The following FBXO11 variants were observed in gnomAD, a reference collection of about 807,000 sequenced individuals.
The protein encoded by FBXO11 is F-box only protein 11.
Under a neutral mutation model 117.0 loss-of-function variants are expected in FBXO11, and 13 were observed. The observed-to-expected ratio is 0.11, with a 90% CI of 0.07 to 0.18. The LOEUF (loss-of-function observed/expected upper bound fraction) is 0.18. Among genes scored for constraint, FBXO11 ranks in the 10% least tolerant of loss-of-function variants. The pLI is 1.00. For missense variants in FBXO11, 767 were observed against 1,164.4 expected (o/e 0.66, Z 4.97); for synonymous variants, 490 against 380.5 (o/e 1.29, Z -3.35).
At chr2:47,849,770 A>G (rs1234356870) in intron 1 of FBXO11, among the ~76,000 whole-genome samples, 1 of 152,208 alleles carries the variant, frequency 6.6e-6, no homozygotes, top group Non-Finnish European at 1.5e-5. Flanking sequence ...CAGAAGGAAT[A>G]GTGTGTGTGA....
chr2:47,902,752 T>C (rs1451233609), intron 1 of FBXO11, among the ~76,000 whole-genome samples: 1 of 152,142 alleles, frequency 6.6e-6, no homozygotes, highest in Non-Finnish European at 1.5e-5. Context: ...CTGAAATGCA[T>C]CTTTATATAA....
In FBXO11 at chr2:47,834,881, C is replaced by G. The variant is rs370474187; in HGVS notation, c.718-10G>C. 1 of 1,600,592 alleles carries G rather than the reference C, an allele frequency of 6.2e-7. No individual in the cohort carries two copies. The highest frequency in any genetic ancestry group is 1.3e-5 in the African/African-American group (1 of 74,310). On this transcript the variant is annotated splice_polypyrimidine_tract_variant and intron_variant, in intron 5 of 22. Coordinates refer to ENST00000403359, the MANE Select transcript of FBXO11 (RefSeq NM_001190274.2). ...CATGTGCACCTTTATACTAAAATGT[C>G]AAAAACAAAACAAAACCATTGACTA...
intron 1 of FBXO11, among the ~76,000 whole-genome samples, chr2:47,855,866 T>C (rs1251915200): frequency 1.3e-5 from 2 of 149,440 alleles, no homozygotes; most frequent in Non-Finnish European, 3.0e-5. Flanking sequence ...GAATGTTGCC[T>C]GGTGAAGCAA....
intron 1 of FBXO11, among the ~76,000 whole-genome samples, chr2:47,848,601 A>G (rs867575232): frequency 8.4e-4 from 128 of 152,348 alleles, no homozygotes; most frequent in African/African-American, 2.8e-3. Flanking sequence ...TAATATCAAA[A>G]TTTATTTTAT....
At chr2:47,841,070 C>T (rs893469202) in intron 1 of FBXO11, among the ~76,000 whole-genome samples, 4 of 151,858 alleles carry the variant, frequency 2.6e-5, no homozygotes, top group Admixed American at 6.6e-5. Context: ...TGGTAGCGGG[C>T]GCCCGTAGTC....
intron 1 of FBXO11, among the ~76,000 whole-genome samples, chr2:47,885,752 G>C (rs1676786126): frequency 6.6e-6 from 1 of 152,130 alleles, no homozygotes; most frequent in South Asian, 2.1e-4. Context: ...CCAACATAAA[G>C]TGAACCAAGA....
chr2:47,847,561 T>C (rs1171377895), intron 1 of FBXO11, among the ~76,000 whole-genome samples: 1 of 151,148 alleles, frequency 6.6e-6, no homozygotes, highest in Non-Finnish European at 1.5e-5. Flanking sequence ...ATACAAAAAT[T>C]AGCAAGGCAT....
intron 1 of FBXO11, among the ~76,000 whole-genome samples, chr2:47,863,078 A>AC (rs1674912631): frequency 6.7e-6 from 1 of 148,480 alleles, no homozygotes; most frequent in South Asian, 2.1e-4. Context: ...AAAACAAAAA[A>AC]ACAAAAACAA....
intron 1 of FBXO11, among the ~76,000 whole-genome samples, chr2:47,892,561 T>A (rs888918780): frequency 1.3e-5 from 2 of 152,234 alleles, no homozygotes; most frequent in African/African-American, 4.8e-5. Flanking sequence ...TCTGACATGC[T>A]GCAATGCAGA....
chr2:47,897,700 CCAA>C (rs1677781769), intron 1 of FBXO11, among the ~76,000 whole-genome samples: 1 of 40,550 alleles, frequency 2.5e-5, no homozygotes. Flanking sequence ...GTGTCTTAAA[CCAA>C]AAAAAAAAAA....
At chr2:47,871,717 T>C (rs1443827322) in intron 1 of FBXO11, among the ~76,000 whole-genome samples, 1 of 152,238 alleles carries the variant, frequency 6.6e-6, no homozygotes, top group Non-Finnish European at 1.5e-5. Flanking sequence ...CCTGTAGATG[T>C]TAAATCCCTT....
At position 47,807,493 on chromosome 2, in the gene FBXO11, G is replaced by GTTTT; in HGVS notation, c.*621_*624dup. Reference sequence around the variant, plus strand: ...TTGCTGGATATAATTTAAGATTAGTGTTTTCTCTTTCATAGAAAGAACGTA... The same window carrying GTTTT: ...TTGCTGGATATAATTTAAGATTAGTGTTTTTTTTCTCTTTCATAGAAAGAACGTA... On this transcript the variant is annotated 3_prime_UTR_variant, in exon 23 of 23. Coordinates refer to ENST00000403359, the MANE Select transcript of FBXO11 (RefSeq NM_001190274.2). 1 of 207,480 alleles carries GTTTT rather than the reference G, an allele frequency of 4.8e-6. No homozygotes were observed. The highest frequency in any genetic ancestry group is 7.4e-5 in the East Asian group (1 of 13,458). The allele number at this position is 207,480 out of a possible 1,614,324, so 12.9% of individuals were successfully genotyped here.
chr2:47,844,746 G>A (rs1466768167), intron 1 of FBXO11, among the ~76,000 whole-genome samples: 1 of 152,122 alleles, frequency 6.6e-6, no homozygotes, highest in African/African-American at 2.4e-5. Flanking sequence ...CCGTTTCCCT[G>A]GCTCAAGCAA....
At chr2:47,845,796 T>C (rs1465306504) in intron 1 of FBXO11, among the ~76,000 whole-genome samples, 4 of 152,082 alleles carry the variant, frequency 2.6e-5, no homozygotes, top group Non-Finnish European at 5.9e-5. Flanking sequence ...TAAATACTGA[T>C]TCCCATCAAT....
intron 1 of FBXO11, among the ~76,000 whole-genome samples, chr2:47,850,541 C>T (rs1673779977): frequency 6.6e-6 from 1 of 151,870 alleles, no homozygotes; most frequent in Non-Finnish European, 1.5e-5. Flanking sequence ...TGAGAGGCAG[C>T]CATATGATGT....
chr2:47,898,553 C>T (rs1215993913), intron 1 of FBXO11, among the ~76,000 whole-genome samples: 2 of 152,158 alleles, frequency 1.3e-5, no homozygotes, highest in East Asian at 1.9e-4. Flanking sequence ...ATCTACCCTT[C>T]TTTGTATAAT....
chr2:47,836,898 C>G, intron 4 of FBXO11: 1 of 369,648 alleles, frequency 2.7e-6, no homozygotes, highest in African/African-American at 2.2e-5. Context: ...ATCCTCTTGT[C>G]TTATTTTTTG....
intron 13 of FBXO11, among the ~76,000 whole-genome samples, chr2:47,821,582 C>A (rs1416747272): frequency 6.0e-5 from 9 of 151,046 alleles, no homozygotes; most frequent in Admixed American, 5.9e-4. Flanking sequence ...TGCACTCCAG[C>A]CTGGGTGATA....
intron 1 of FBXO11, among the ~76,000 whole-genome samples, chr2:47,853,830 C>A (rs1291343324): frequency 1.3e-5 from 2 of 152,160 alleles, no homozygotes; most frequent in East Asian, 3.9e-4. Flanking sequence ...ATTTCAAATT[C>A]CACCTGGAGG....
Sources: gnomAD v4.1 joint callset for allele counts (sites outside exome capture counted in the v4.1 genomes callset) on GRCh38, gnomAD v4.1.1 for gene constraint, MANE v1.5 for transcripts, NCBI Gene and HGNC (gene_info 2026-07-23, HGNC 2026-07-21) for gene names.